Variants in DNAJC1 observed in about 807,000 individuals in gnomAD.
DNAJC1 encodes the protein DnaJ heat shock protein family (Hsp40) member C1.
Under a neutral mutation model 76.6 loss-of-function variants are expected in DNAJC1, and 58 were observed. The ratio of observed to expected loss-of-function variants is 0.76; its 90% CI spans 0.61 to 0.94. The LOEUF is 0.94. Among genes scored for constraint, DNAJC1 ranks in the 40% least tolerant of loss-of-function variants. The pLI is 0.00. For synonymous variants in DNAJC1, 258 were observed against 267.9 expected (o/e 0.96, Z 0.36); for missense variants, 689 against 677.3 (o/e 1.02, Z -0.19).
At chr10:21,988,523 T>A (rs192407801) in intron 1 of DNAJC1, among the ~76,000 whole-genome samples, 137 of 152,326 alleles carry the variant, frequency 9.0e-4, no homozygotes, top group African/African-American at 3.1e-3. Flanking sequence ...ATTTAAAGTA[T>A]GTTCCAAATG....
In DNAJC1 at chr10:21,822,542, G is replaced by A. The variant is rs535449630; in HGVS notation, c.979-16443C>T. Among the ~76,000 whole-genome samples, 99 of 152,092 alleles carry A rather than the reference G, an allele frequency of 6.5e-4. 1 individual carries two copies. The highest frequency in any genetic ancestry group is 2.3e-3 in the African/African-American group (97 of 41,518). On this transcript the variant is annotated intron_variant, in intron 8 of 11. Transcript: ENST00000376980. ...CTGTTTTTAAGAAAGAAAAAACTGA[G>A]ACCTACAAAACTTGAAAAAATTTTC...
rs150943594 is a variant in DNAJC1, at chr10:21,830,569, T to C, written c.979-24470A>G. Among the ~76,000 whole-genome samples the C allele has an allele frequency of 6.7e-4, 102 of 152,308 alleles. No individual in the cohort carries two copies. The East Asian group carries it at 0.016, about 24-fold the overall frequency. ...CCTTGATTTGTTTAGAGGTAGACTG[T>C]TTTTATTCATCCTGTTCAGTATACT... is the stretch of plus-strand genomic sequence containing the variant. On this transcript the variant is annotated intron_variant, in intron 8 of 11. Coordinates refer to ENST00000376980, the MANE Select transcript of DNAJC1 (RefSeq NM_022365.4).
intron 1 of DNAJC1, among the ~76,000 whole-genome samples, chr10:21,967,011 CTTCT>C (rs1018412454): frequency 1.1e-4 from 8 of 75,202 alleles, no homozygotes; most frequent in South Asian, 1.1e-3. Context: ...TCTTCTTCTT[CTTCT>C]TTTTTTTTTT....
At chr10:21,788,353 G>A (rs1834638140) in intron 9 of DNAJC1, among the ~76,000 whole-genome samples, 1 of 152,154 alleles carries the variant, frequency 6.6e-6, no homozygotes, top group Non-Finnish European at 1.5e-5. Context: ...GCCCCCTGGG[G>A]AACTCATGCC....
intron 1 of DNAJC1, among the ~76,000 whole-genome samples, chr10:21,995,447 GA>G (rs1299262243): frequency 1.3e-5 from 2 of 152,130 alleles, no homozygotes; most frequent in Non-Finnish European, 2.9e-5. Context: ...TTTAACCAAG[GA>G]AATTACGTCA....
intron 7 of DNAJC1, among the ~76,000 whole-genome samples, chr10:21,883,129 A>C (rs1232884548): frequency 6.6e-6 from 1 of 152,068 alleles, no homozygotes; most frequent in Non-Finnish European, 1.5e-5. Context: ...ACATGCATGT[A>C]ATCCCAACTA....
chr10:21,759,704 G>A, intron 10 of DNAJC1, 86 bp from the exon 11 acceptor site: 3 of 1,287,514 alleles, frequency 2.3e-6, no homozygotes, highest in South Asian at 1.4e-5. Context: ...GCACAGAGCA[G>A]GCAGCGCACT....
chr10:21,786,463 TAGAGAG>T (rs1159399044), intron 9 of DNAJC1, among the ~76,000 whole-genome samples: 13 of 23,416 alleles, frequency 5.6e-4, no homozygotes, highest in African/African-American at 1.7e-3. Context: ...TATATATATA[TAGAGAG>T]AGAGAGAGAG....
intron 1 of DNAJC1, among the ~76,000 whole-genome samples, chr10:21,931,165 AT>A (rs1321615127): frequency 2.0e-5 from 3 of 151,934 alleles, no homozygotes; most frequent in Non-Finnish European, 4.4e-5. Flanking sequence ...GTGTTTTCCA[AT>A]TTTTTTAGCC....
intron 9 of DNAJC1, among the ~76,000 whole-genome samples, chr10:21,778,239 G>A (rs1834478816): frequency 6.6e-6 from 1 of 152,084 alleles, no homozygotes; most frequent in South Asian, 2.1e-4. Context: ...AAAACTGACT[G>A]AAGCTCAGAG....
At chr10:21,901,921 A>G (rs1433079699) in intron 7 of DNAJC1, among the ~76,000 whole-genome samples, 3 of 152,224 alleles carry the variant, frequency 2.0e-5, no homozygotes, top group Non-Finnish European at 4.4e-5. Context: ...TATTAATTCT[A>G]AAGTATACAA....
At chr10:21,874,911 TGCTCTGTCACCCAG>T (rs2131713446) in intron 8 of DNAJC1, among the ~76,000 whole-genome samples, 1 of 152,192 alleles carries the variant, frequency 6.6e-6, no homozygotes, top group African/African-American at 2.4e-5. Context: ...GATGGAGTCT[TGCTCTGTCACCCAG>T]GCTCAAGAGC....
intron 8 of DNAJC1, among the ~76,000 whole-genome samples, chr10:21,837,872 G>T (rs1314247178): frequency 2.7e-5 from 4 of 148,142 alleles, no homozygotes; most frequent in African/African-American, 9.8e-5. Flanking sequence ...GGAGGGAGGT[G>T]GGGGGCAGCC....
At chr10:21,930,518 G>GTGAGGCTATAATTAGTCTGTCAGGCT (rs1299731648) in intron 1 of DNAJC1, among the ~76,000 whole-genome samples, 5 of 152,248 alleles carry the variant, frequency 3.3e-5, no homozygotes, top group Non-Finnish European at 5.9e-5. Flanking sequence ...GAGAGACAAA[G>GTGAGGCTATAATTAGTCTGTCAGGCT]TGAGGCTATA....
chr10:21,864,068 A>G (rs898204351), intron 8 of DNAJC1, among the ~76,000 whole-genome samples: 3 of 152,038 alleles, frequency 2.0e-5, no homozygotes, highest in Non-Finnish European at 4.4e-5. Context: ...TTAGCTAGGC[A>G]TGGTGCCGTG....
intron 8 of DNAJC1, among the ~76,000 whole-genome samples, chr10:21,850,239 T>C (rs1331153809): frequency 6.6e-6 from 1 of 152,098 alleles, no homozygotes; most frequent in Non-Finnish European, 1.5e-5. Context: ...CAAAAAAAAC[T>C]AGTAGAATTA....
intron 1 of DNAJC1, among the ~76,000 whole-genome samples, chr10:21,982,263 T>C (rs1378058184): frequency 6.6e-6 from 1 of 152,018 alleles, no homozygotes; most frequent in Non-Finnish European, 1.5e-5. Context: ...TAAAAATAGA[T>C]CAAGGACTAA....
intron 1 of DNAJC1, among the ~76,000 whole-genome samples, chr10:21,990,091 C>T (rs938309753): frequency 1.3e-5 from 2 of 152,198 alleles, no homozygotes; most frequent in Non-Finnish European, 2.9e-5. Context: ...GGTGCTGCTT[C>T]AAGAGTCTAT....
chr10:21,814,257 C>A (rs1017595553), intron 8 of DNAJC1, among the ~76,000 whole-genome samples: 3 of 152,136 alleles, frequency 2.0e-5, no homozygotes, highest in African/African-American at 7.2e-5. Context: ...GAAATAGGTT[C>A]AAACACAGCT....
Sources: gnomAD v4.1 joint callset for allele counts (sites outside exome capture counted in the v4.1 genomes callset) on GRCh38, gnomAD v4.1.1 for gene constraint, MANE v1.5 for transcripts, NCBI Gene and HGNC (gene_info 2026-07-23, HGNC 2026-07-21) for gene names.